The following CCDC141 variants were observed in gnomAD, a reference collection of about 807,000 sequenced individuals.
CCDC141 encodes coiled-coil domain-containing protein 141.
A neutral mutation model predicts 181.0 loss-of-function variants in CCDC141; 168 were observed. That is an observed-to-expected ratio of 0.93 (90% CI 0.82 to 1.05). CCDC141 has a LOEUF of 1.05. Ranked by LOEUF, CCDC141 falls within the 50% of genes least tolerant of loss-of-function variation. CCDC141 has a pLI of 0.00. For missense variants in CCDC141, 1,902 were observed against 1,788.5 expected (o/e 1.06, Z -1.14); for synonymous variants, 666 against 642.3 (o/e 1.04, Z -0.56).
intron 3 of CCDC141, among the ~76,000 whole-genome samples, chr2:178,976,994 C>T (rs1201472162): frequency 1.3e-5 from 2 of 152,024 alleles, no homozygotes; most frequent in Non-Finnish European, 2.9e-5. Flanking sequence ...CAGTATTTTC[C>T]TTTCTCCACT....
At chr2:178,822,693 T>G in the CCDC141 span, among the ~76,000 whole-genome samples, 1 of 152,212 alleles carries the variant, frequency 6.6e-6, no homozygotes, top group African/African-American at 2.4e-5. Flanking sequence ...AGGATTCAGA[T>G]GGCCCTATGT....
chr2:178,936,043 G>T (rs1283527222), intron 6 of CCDC141, among the ~76,000 whole-genome samples: 1 of 152,014 alleles, frequency 6.6e-6, no homozygotes, highest in Non-Finnish European at 1.5e-5. Context: ...CCATTCTGTA[G>T]GTTGTCTGTT....
At chr2:179,035,948 G>C (rs1411053826) in intron 2 of CCDC141, among the ~76,000 whole-genome samples, 1 of 152,186 alleles carries the variant, frequency 6.6e-6, no homozygotes, top group Non-Finnish European at 1.5e-5. Flanking sequence ...TCTTTTCAAA[G>C]TTGCCAAAAG....
At chr2:178,880,702 G>T (rs1189388752) in intron 11 of CCDC141, among the ~76,000 whole-genome samples, 1 of 152,062 alleles carries the variant, frequency 6.6e-6, no homozygotes, top group Non-Finnish European at 1.5e-5. Flanking sequence ...TACAAAATGG[G>T]GATCATAGTA....
At chr2:178,995,223 G>A (rs1277890189) in intron 2 of CCDC141, among the ~76,000 whole-genome samples, 1 of 152,178 alleles carries the variant, frequency 6.6e-6, no homozygotes, top group Non-Finnish European at 1.5e-5. Context: ...ATTTAATGGA[G>A]AACTCACAGT....
intron 6 of CCDC141, chr2:178,926,781 G>T (rs2154375470): frequency 6.6e-6 from 1 of 152,244 alleles, no homozygotes; most frequent in East Asian, 1.9e-4. Context: ...TAGAAGAAAG[G>T]ATATTGGATG....
intron 7 of CCDC141, among the ~76,000 whole-genome samples, chr2:178,910,414 G>A (rs2154373578): frequency 6.6e-6 from 1 of 152,284 alleles, no homozygotes; most frequent in African/African-American, 2.4e-5. Flanking sequence ...TTGTTGGAAT[G>A]CTTATAACTA....
intron 2 of CCDC141, among the ~76,000 whole-genome samples, chr2:178,979,765 C>T (rs1691284431): frequency 6.6e-6 from 1 of 152,158 alleles, no homozygotes; most frequent in South Asian, 2.1e-4. Flanking sequence ...AGTAAAGACA[C>T]TCATGAACCT....
At chr2:178,962,994 C>T (rs1690472870) in intron 4 of CCDC141, among the ~76,000 whole-genome samples, 1 of 152,202 alleles carries the variant, frequency 6.6e-6, no homozygotes, top group African/African-American at 2.4e-5. Flanking sequence ...CAAATACTCT[C>T]ACACTTAATG....
At chr2:178,992,700 A>G (rs1007152214) in intron 2 of CCDC141, among the ~76,000 whole-genome samples, 3 of 152,142 alleles carry the variant, frequency 2.0e-5, no homozygotes, top group African/African-American at 7.2e-5. Context: ...TAGGGGTTGC[A>G]TCGTGATATG....
At chr2:178,841,470 T>C (rs1377690431) in intron 22 of CCDC141, among the ~76,000 whole-genome samples, 2 of 152,240 alleles carry the variant, frequency 1.3e-5, no homozygotes, top group African/African-American at 4.8e-5. Context: ...ATTTGGCTCT[T>C]GGCACTACTG....
intron 6 of CCDC141, among the ~76,000 whole-genome samples, chr2:178,943,980 C>G (rs1689626549): frequency 6.6e-6 from 1 of 152,122 alleles, no homozygotes; most frequent in Non-Finnish European, 1.5e-5. Context: ...TAAATTGGAA[C>G]AGCAATCAAA....
intron 6 of CCDC141, 47 bp from the exon 7 acceptor site, chr2:178,918,954 A>T (rs1352899369): frequency 6.7e-7 from 1 of 1,485,828 alleles, no homozygotes; most frequent in Non-Finnish European, 9.1e-7. Flanking sequence ...TCTGTTATGG[A>T]CCGAATGCTT....
chr2:178,884,658 A>T (rs544791633), intron 11 of CCDC141, among the ~76,000 whole-genome samples: 4 of 152,280 alleles, frequency 2.6e-5, no homozygotes, highest in East Asian at 3.9e-4. Context: ...CACAGGTCAC[A>T]GGTGCTCCTG....
intron 11 of CCDC141, 23 bp from the exon 12 acceptor site, chr2:178,878,166 A>G (rs1686431559): frequency 6.5e-7 from 1 of 1,530,388 alleles, no homozygotes; most frequent in Admixed American, 2.1e-5. Flanking sequence ...AAAGAGAGTT[A>G]AGAACACTTA....
intron 7 of CCDC141, among the ~76,000 whole-genome samples, chr2:178,910,834 C>T (rs1368726618): frequency 6.6e-6 from 1 of 152,170 alleles, no homozygotes; most frequent in Non-Finnish European, 1.5e-5. Context: ...ATGCCATTAG[C>T]ACCTATGGAA....
chr2:178,915,372 A>G (rs2154374197), intron 7 of CCDC141, among the ~76,000 whole-genome samples: 1 of 152,344 alleles, frequency 6.6e-6, no homozygotes, highest in East Asian at 1.9e-4. Context: ...AGTAAAAAGT[A>G]TATTTAAAAA....
chr2:178,997,329 T>C (rs1025686261), intron 2 of CCDC141, among the ~76,000 whole-genome samples: 9 of 152,122 alleles, frequency 5.9e-5, no homozygotes, highest in African/African-American at 2.2e-4. Context: ...CAGGAAATAC[T>C]ATTTTATTTT....
chr2:178,907,398 C>A (rs1413334113), intron 7 of CCDC141, among the ~76,000 whole-genome samples: 6 of 152,152 alleles, frequency 3.9e-5, no homozygotes, highest in Non-Finnish European at 7.3e-5. Context: ...GCTGTGGTGC[C>A]ATGTGGCAAA....
Sources: allele counts gnomAD v4.1 joint callset (sites outside exome capture counted in the v4.1 genomes callset), GRCh38; gene constraint gnomAD v4.1.1; transcripts MANE v1.5; gene names NCBI Gene and HGNC (gene_info 2026-07-23, HGNC 2026-07-21).